The following MTMR7 variants were observed in gnomAD, a reference collection of about 807,000 sequenced individuals.
MTMR7 encodes the protein myotubularin related protein 7.
MTMR7 carries 76 observed loss-of-function variants against 81.2 expected under a neutral mutation model. The ratio of observed to expected loss-of-function variants is 0.94; its 90% CI spans 0.78 to 1.13. The LOEUF is 1.13. MTMR7 is among the 50% of genes most tolerant of loss of function. The probability of loss-of-function intolerance (pLI) is 0.00; values close to 1 mark genes in which losing one functional copy is unlikely to be tolerated. For missense variants in MTMR7, 1,044 were observed against 820.0 expected, an observed-to-expected ratio of 1.27 and a Z score of -3.34; for synonymous variants, 372 against 289.8, an observed-to-expected ratio of 1.28 and a Z score of -2.88.
At chr8:17,362,646 C>T (rs1820094220) in intron 3 of MTMR7, among the ~76,000 whole-genome samples, 1 of 152,184 alleles carries the variant, frequency 6.6e-6, no homozygotes, top group South Asian at 2.1e-4. Context: ...ATCCTTCTCT[C>T]TTCTTCTTCC....
At chr8:17,398,423 G>C (rs778027033) in intron 1 of MTMR7, among the ~76,000 whole-genome samples, 9 of 152,138 alleles carry the variant, frequency 5.9e-5, no homozygotes, top group Non-Finnish European at 5.9e-5. Context: ...GAATGCATCA[G>C]AATCTCTTAA....
chr8:17,369,476 G>C (rs1159444397), intron 3 of MTMR7, among the ~76,000 whole-genome samples: 1 of 152,058 alleles, frequency 6.6e-6, no homozygotes, highest in Non-Finnish European at 1.5e-5. Context: ...GTTCATAATT[G>C]AACTTCTTGT....
intron 5 of MTMR7, among the ~76,000 whole-genome samples, chr8:17,344,036 G>C (rs527791561): frequency 3.2e-4 from 48 of 148,774 alleles, no homozygotes; most frequent in African/African-American, 1.2e-3. Flanking sequence ...GCTTACTACT[G>C]TTTTTGAGTG....
chr8:17,364,598 G>C (rs1031193102), intron 3 of MTMR7, among the ~76,000 whole-genome samples: 2 of 152,196 alleles, frequency 1.3e-5, no homozygotes, highest in African/African-American at 2.4e-5. Flanking sequence ...CCAGCCTCTG[G>C]TAACCACCAT....
At chr8:17,398,526 G>T (rs532864894) in intron 1 of MTMR7, among the ~76,000 whole-genome samples, 2 of 151,912 alleles carry the variant, frequency 1.3e-5, no homozygotes, top group African/African-American at 4.8e-5. Flanking sequence ...ACACAAAGGA[G>T]TAAAAAACAA....
intron 6 of MTMR7, among the ~76,000 whole-genome samples, chr8:17,334,380 CCT>C (rs1242484469): frequency 3.3e-5 from 5 of 152,114 alleles, no homozygotes; most frequent in Non-Finnish European, 5.9e-5. Flanking sequence ...GTCCTCTGTC[CCT>C]TTGACTGAGA....
At chr8:17,397,740 G>C (rs1427874470) in intron 1 of MTMR7, among the ~76,000 whole-genome samples, 2 of 152,150 alleles carry the variant, frequency 1.3e-5, no homozygotes, top group African/African-American at 4.8e-5. Context: ...GAAGTAGCCA[G>C]GTAGTGGTTA....
At chr8:17,352,919 T>A (rs1819771213) in intron 4 of MTMR7, among the ~76,000 whole-genome samples, 1 of 152,172 alleles carries the variant, frequency 6.6e-6, no homozygotes, top group Non-Finnish European at 1.5e-5. Context: ...ATAGAATTCC[T>A]ACATGATCCA....
chr8:17,355,100 C>A (rs1819848928), intron 4 of MTMR7, among the ~76,000 whole-genome samples: 1 of 152,120 alleles, frequency 6.6e-6, no homozygotes, highest in Admixed American at 6.5e-5. Context: ...AGAAGGAAAT[C>A]TCATCAAAAA....
chr8:17,300,988 A>G (rs1213996861), intron 13 of MTMR7, among the ~76,000 whole-genome samples: 2 of 152,226 alleles, frequency 1.3e-5, no homozygotes, highest in Non-Finnish European at 2.9e-5. Flanking sequence ...ATTCCATTAC[A>G]TGGATATACC....
At chr8:17,330,547 A>G (rs1224153381) in intron 7 of MTMR7, among the ~76,000 whole-genome samples, 1 of 152,248 alleles carries the variant, frequency 6.6e-6, no homozygotes, top group African/African-American at 2.4e-5. Flanking sequence ...CTGGTTGGCC[A>G]CATGAATAAC....
chr8:17,401,533 T>A (rs1821428955), intron 1 of MTMR7, among the ~76,000 whole-genome samples: 1 of 151,934 alleles, frequency 6.6e-6, no homozygotes, highest in African/African-American at 2.4e-5. Flanking sequence ...TTTAACAGTA[T>A]CTCTGGCAAA....
At chr8:17,355,313 G>A (rs1820435504) in intron 4 of MTMR7, among the ~76,000 whole-genome samples, 2 of 152,054 alleles carry the variant, frequency 1.3e-5, no homozygotes, top group African/African-American at 4.8e-5. Flanking sequence ...GATTACATGA[G>A]TCAGATACTT....
At chr8:17,341,249 C>A (rs1229112625) in intron 6 of MTMR7, 114 bp downstream of exon 6, 3 of 1,392,266 alleles carry the variant, frequency 2.2e-6, no homozygotes, top group Admixed American at 4.0e-5. Context: ...CCAAGAGGAA[C>A]CGCCCCTTTG....
intron 1 of MTMR7, among the ~76,000 whole-genome samples, chr8:17,385,499 C>T (rs1359819477): frequency 1.3e-5 from 2 of 152,202 alleles, no homozygotes; most frequent in Non-Finnish European, 2.9e-5. Flanking sequence ...TTGCCCACCA[C>T]CACGTAAGAA....
intron 1 of MTMR7, among the ~76,000 whole-genome samples, chr8:17,377,831 T>C (rs1820634970): frequency 6.6e-6 from 1 of 152,118 alleles, no homozygotes; most frequent in African/African-American, 2.4e-5. Context: ...GGTTGGGATA[T>C]TTTACTTAAA....
intron 10 of MTMR7, among the ~76,000 whole-genome samples, chr8:17,308,552 A>T (rs955242934): frequency 1.2e-4 from 19 of 152,250 alleles, no homozygotes; most frequent in African/African-American, 4.6e-4. Flanking sequence ...CTGAAAATAT[A>T]TATCAAACTA....
intron 1 of MTMR7, among the ~76,000 whole-genome samples, chr8:17,403,864 T>C (rs1276986248): frequency 1.3e-5 from 2 of 152,368 alleles, no homozygotes; most frequent in East Asian, 3.9e-4. Flanking sequence ...TTGATTTCTT[T>C]TTCACATTGT....
Position 17,298,267 on chromosome 8 carries a change from A to C in MTMR7, c.*1595T>G, listed in dbSNP as rs1429761150. On this transcript the variant is annotated 3_prime_UTR_variant, in exon 14 of 14. Coordinates refer to ENST00000180173, the MANE Select transcript of MTMR7 (RefSeq NM_004686.5). Reference sequence around the variant, plus strand: ...TATAGTATATTGCAGAAAATGAATAAACATTCCTTGTACTTAATTTGGGAA... The same window carrying C: ...TATAGTATATTGCAGAAAATGAATACACATTCCTTGTACTTAATTTGGGAA... 2 of 152,112 alleles carry C rather than the reference A, an allele frequency of 1.3e-5. No individual in the cohort carries two copies. The highest frequency in any genetic ancestry group is 1.9e-4 in the East Asian group (1 of 5,192). The allele number at this position is 152,112 out of a possible 1,614,324, so 9.4% of individuals were successfully genotyped here. A position where few individuals can be genotyped will look rare whatever the true frequency, so the allele number is the denominator to read the frequency against.
Sources: allele counts gnomAD v4.1 joint callset (sites outside exome capture counted in the v4.1 genomes callset), GRCh38; gene constraint gnomAD v4.1.1; transcripts MANE v1.5; gene names NCBI Gene and HGNC (gene_info 2026-07-23, HGNC 2026-07-21).